Variants in SMYD3 observed in about 807,000 individuals in gnomAD.
SMYD3 encodes histone-lysine N-methyltransferase SMYD3.
A neutral mutation model predicts 57.7 loss-of-function variants in SMYD3; 36 were observed. The ratio of observed to expected loss-of-function variants is 0.62; its 90% CI spans 0.48 to 0.82. The LOEUF is 0.82. SMYD3 is among the 40% of genes least tolerant of loss of function. The probability of loss-of-function intolerance (pLI) is 0.00; values close to 1 mark genes in which losing one functional copy is unlikely to be tolerated. For missense variants in SMYD3, 515 were observed against 538.8 expected (o/e 0.96, Z 0.44); for synonymous variants, 211 against 195.0 (o/e 1.08, Z -0.68).
chr1:246,079,117 A>G (rs1432880555), intron 5 of SMYD3, among the ~76,000 whole-genome samples: 1 of 152,150 alleles, frequency 6.6e-6, no homozygotes, highest in Non-Finnish European at 1.5e-5. Flanking sequence ...ATTCTGGCCA[A>G]TAGGCTTCTT....
At chr1:245,765,630 G>A (rs559569167) in intron 10 of SMYD3, among the ~76,000 whole-genome samples, 4 of 152,190 alleles carry the variant, frequency 2.6e-5, no homozygotes, top group Non-Finnish European at 5.9e-5. Flanking sequence ...GCTTCCTGGA[G>A]GTGGGAAATT....
At chr1:246,469,016 A>AGTG (rs2067920725) in intron 1 of SMYD3, among the ~76,000 whole-genome samples, 1 of 152,184 alleles carries the variant, frequency 6.6e-6, no homozygotes, top group African/African-American at 2.4e-5. Context: ...CGCTAAACCC[A>AGTG]GGCTACTGCC....
chr1:246,079,066 G>A (rs2060595249), intron 5 of SMYD3, among the ~76,000 whole-genome samples: 1 of 151,388 alleles, frequency 6.6e-6, no homozygotes, highest in South Asian at 2.1e-4. Context: ...GAAAGTAAAG[G>A]AATAAATGGC....
chr1:246,078,974 A>G (rs1321687421), intron 5 of SMYD3, among the ~76,000 whole-genome samples: 1 of 152,148 alleles, frequency 6.6e-6, no homozygotes, highest in African/African-American at 2.4e-5. Context: ...GAAGATAGAC[A>G]GTAAACAAAT....
chr1:245,872,998 C>T (rs1372578335), intron 8 of SMYD3, among the ~76,000 whole-genome samples: 1 of 152,162 alleles, frequency 6.6e-6, no homozygotes, highest in African/African-American at 2.4e-5. Context: ...GAGAAATAAG[C>T]TTATTTGCTT....
At chr1:245,773,218 A>G (rs2046410290) in intron 10 of SMYD3, among the ~76,000 whole-genome samples, 2 of 152,132 alleles carry the variant, frequency 1.3e-5, no homozygotes, top group South Asian at 4.2e-4. Flanking sequence ...TTAAAATACA[A>G]GGGGCTTGGG....
chr1:245,957,212 C>T (rs1028213168), intron 5 of SMYD3, among the ~76,000 whole-genome samples: 3 of 152,180 alleles, frequency 2.0e-5, no homozygotes, highest in East Asian at 1.9e-4. Context: ...GAGTATTATT[C>T]GGTTCATCTC....
At chr1:246,265,325 G>C (rs377699635) in intron 5 of SMYD3, among the ~76,000 whole-genome samples, 4 of 151,106 alleles carry the variant, frequency 2.6e-5, no homozygotes, top group African/African-American at 9.8e-5. Context: ...TTTTGTAATA[G>C]ACAGGGTCTC....
chr1:245,954,971 C>A (rs1558530795), intron 5 of SMYD3, among the ~76,000 whole-genome samples: 2 of 152,188 alleles, frequency 1.3e-5, no homozygotes, highest in Non-Finnish European at 2.9e-5. Flanking sequence ...AGACAAAATT[C>A]TCTCGTGTGA....
chr1:246,046,602 T>C (rs926392307), intron 5 of SMYD3, among the ~76,000 whole-genome samples: 6 of 150,266 alleles, frequency 4.0e-5, no homozygotes, highest in African/African-American at 1.5e-4. Flanking sequence ...TGTGTGCAGG[T>C]ACCTTAGAAC....
intron 5 of SMYD3, among the ~76,000 whole-genome samples, chr1:245,977,987 T>A (rs1050997810): frequency 6.6e-6 from 1 of 152,118 alleles, no homozygotes; most frequent in Non-Finnish European, 1.5e-5. Context: ...GCTAAGCCCC[T>A]CCCTCCATCA....
At chr1:245,863,621 T>C (rs890230082) in intron 9 of SMYD3, among the ~76,000 whole-genome samples, 178 bp downstream of exon 9, 47 of 152,192 alleles carry the variant, frequency 3.1e-4, no homozygotes, top group African/African-American at 9.9e-4. Flanking sequence ...ACGAACTTCC[T>C]TGTCATTACT....
intron 11 of SMYD3, among the ~76,000 whole-genome samples, chr1:245,761,033 ACT>A (rs916307711): frequency 2.2e-4 from 33 of 152,094 alleles, no homozygotes; most frequent in African/African-American, 7.7e-4. Flanking sequence ...GAACCTACTG[ACT>A]CTAAATCCTT....
At chr1:245,821,990 A>T (rs184276665) in intron 10 of SMYD3, among the ~76,000 whole-genome samples, 1 of 151,872 alleles carries the variant, frequency 6.6e-6, no homozygotes, top group Non-Finnish European at 1.5e-5. Context: ...TCAGTGTGGC[A>T]ATTCCTCAGG....
intron 1 of SMYD3, among the ~76,000 whole-genome samples, chr1:246,446,054 T>C (rs1890162): frequency 0.26 from 39,253 of 152,098 alleles, 5,200 homozygotes; most frequent in Middle Eastern, 0.39. Context: ...ATTGGTTGTT[T>C]TTTTAATCTT....
chr1:246,245,213 C>T (rs74528166), intron 5 of SMYD3, among the ~76,000 whole-genome samples: 1 of 148,538 alleles, frequency 6.7e-6, no homozygotes, highest in Non-Finnish European at 1.5e-5. Context: ...GTGGCTGAGG[C>T]GAGCGGATCA....
chr1:246,325,680 T>A (rs1572382841), intron 5 of SMYD3: 1 of 152,328 alleles, frequency 6.6e-6, no homozygotes, highest in East Asian at 1.9e-4. Context: ...ACATTTTACA[T>A]GTAGCAACAG....
intron 10 of SMYD3, among the ~76,000 whole-genome samples, chr1:245,772,826 C>T (rs1030385305): frequency 6.6e-6 from 1 of 152,012 alleles, no homozygotes; most frequent in Admixed American, 6.6e-5. Context: ...CTCAGGAGCA[C>T]AGAGGGTAGG....
chr1:246,026,958 T>C (rs78855702), intron 5 of SMYD3, among the ~76,000 whole-genome samples: 2,687 of 152,284 alleles, frequency 0.018, 39 homozygotes, highest in African/African-American at 0.041. Flanking sequence ...AGAAACACTC[T>C]TGAGGGAAAT....
Sources: gnomAD v4.1 joint callset for allele counts (sites outside exome capture counted in the v4.1 genomes callset) on GRCh38, gnomAD v4.1.1 for gene constraint, MANE v1.5 for transcripts, NCBI Gene and HGNC (gene_info 2026-07-23, HGNC 2026-07-21) for gene names.